Variants in TMEM106B observed in about 807,000 individuals in gnomAD.
The protein encoded by TMEM106B is transmembrane protein 106B.
TMEM106B carries 15 observed loss-of-function variants against 31.1 expected under a neutral mutation model. The ratio of observed to expected loss-of-function variants is 0.48; its 90% CI spans 0.32 to 0.74. The LOEUF is 0.74. TMEM106B is among the 30% of genes least tolerant of loss of function. The pLI is 0.03. For missense variants in TMEM106B, 283 were observed against 327.3 expected, an observed-to-expected ratio of 0.86 and a Z score of 1.04; for synonymous variants, 126 against 112.5, an observed-to-expected ratio of 1.12 and a Z score of -0.76.
chr7:12,238,683 A>G lies in TMEM106B; in HGVS notation c.*6708A>G, dbSNP rs1426323366. 2 of 152,204 alleles carry G rather than the reference A, an allele frequency of 1.3e-5. No individual in the cohort carries two copies. The highest frequency in any genetic ancestry group is 3.8e-4 in the East Asian group (2 of 5,198). The allele number at this position is 152,204 out of a possible 1,614,324, so 9.4% of individuals were successfully genotyped here. On this transcript the variant is annotated 3_prime_UTR_variant, in exon 8 of 8. Transcript: ENST00000396668. ...TTGTGTTAAGAGGCATGAAAACAAC[A>G]TTAATCTATTTGTACATCATCAGAG...
chr7:12,213,669 A>G (rs1161066537), intron 1 of TMEM106B, among the ~76,000 whole-genome samples: 1 of 152,212 alleles, frequency 6.6e-6, no homozygotes, highest in South Asian at 2.1e-4. Context: ...ATCATTTCAC[A>G]TTATTTGTTT....
chr7:12,227,125 CTG>C (rs1781916881), intron 4 of TMEM106B, among the ~76,000 whole-genome samples: 1 of 151,998 alleles, frequency 6.6e-6, no homozygotes, highest in Admixed American at 6.6e-5. Context: ...GCCACTTAAA[CTG>C]AGACAGACTG....
At chr7:12,217,727 T>A (rs1419954416) in intron 2 of TMEM106B, among the ~76,000 whole-genome samples, 1 of 152,124 alleles carries the variant, frequency 6.6e-6, no homozygotes, top group East Asian at 1.9e-4. Flanking sequence ...AGAGTATAGA[T>A]GTGTCGGGGG....
chr7:12,212,254 C>G (rs1261006899), intron 1 of TMEM106B, among the ~76,000 whole-genome samples: 1 of 152,176 alleles, frequency 6.6e-6, no homozygotes, highest in Non-Finnish European at 1.5e-5. Context: ...CAGCTTACAG[C>G]CTGGCTGTGT....
In TMEM106B at chr7:12,232,012, T is replaced by C; in HGVS notation, c.*37T>C. Reference sequence around the variant, plus strand: ...GATGGATTTAAAGAAGAAATATCTATTGATATTTCCTATACTCTCAATGAA... The same window carrying C: ...GATGGATTTAAAGAAGAAATATCTACTGATATTTCCTATACTCTCAATGAA... On this transcript the variant is annotated 3_prime_UTR_variant, in exon 8 of 8. Transcript: ENST00000396668. 6.3e-7 allele frequency: 1 copy of C among 1,596,616 alleles called. No homozygotes were observed. Among genetic ancestry groups the C allele is most frequent in the Non-Finnish European group, 8.6e-7 (1 of 1,167,862 alleles).
intron 7 of TMEM106B, 139 bp from the exon 8 acceptor site, chr7:12,231,698 G>T (rs1782026452): frequency 1.5e-6 from 1 of 683,052 alleles, no homozygotes; most frequent in Non-Finnish European, 2.3e-6. Context: ...TCCTTAAGAG[G>T]ATTGTGTGCA....
At chr7:12,222,372 A>T (rs910259728) in intron 3 of TMEM106B, among the ~76,000 whole-genome samples, 1 of 152,162 alleles carries the variant, frequency 6.6e-6, no homozygotes, top group African/African-American at 2.4e-5. Flanking sequence ...ATGTTGTTTT[A>T]TTGTCCCACC....
chr7:12,216,094 T>C (rs1252020101), intron 2 of TMEM106B, among the ~76,000 whole-genome samples: 1 of 152,282 alleles, frequency 6.6e-6, no homozygotes, highest in East Asian at 1.9e-4. Flanking sequence ...TGAATTGAAG[T>C]TTACATTTGC....
intron 4 of TMEM106B, among the ~76,000 whole-genome samples, chr7:12,227,972 C>A (rs1243746227): frequency 1.3e-5 from 2 of 151,830 alleles, no homozygotes; most frequent in African/African-American, 4.8e-5. Context: ...TTTGCATATA[C>A]AAAGACTTCC....
chr7:12,243,072 AG>A lies in TMEM106B; in HGVS notation c.*11098del, dbSNP rs1408204725. 3 of 152,066 alleles carry A rather than the reference AG, an allele frequency of 2.0e-5. No homozygotes were observed. The highest frequency in any genetic ancestry group is 4.4e-5 in the Non-Finnish European group (3 of 67,962). The allele number at this position is 152,066 out of a possible 1,614,324, so 9.4% of individuals were successfully genotyped here. ...TAGATTTTTACAGAATCTTTAAAAA[AG>A]CTTTAATATTTTCAAGGTTTTTTAT... On this transcript the variant is annotated 3_prime_UTR_variant, in exon 8 of 8. Transcript: ENST00000396668.
intron 4 of TMEM106B, among the ~76,000 whole-genome samples, chr7:12,226,798 A>G (rs1000068433): frequency 7.9e-5 from 12 of 152,170 alleles, no homozygotes; most frequent in African/African-American, 1.4e-4. Flanking sequence ...AAATATACGT[A>G]TATGTGAATA....
rs1044470648 is a variant in TMEM106B, at chr7:12,232,971, T to A, written c.*996T>A. 6.6e-6 allele frequency: 1 copy of A among 151,772 alleles called. No individual in the cohort carries two copies. The highest frequency in any genetic ancestry group is 1.5e-5 in the Non-Finnish European group (1 of 67,748). 9.4% of individuals were successfully genotyped at this position (151,772 alleles called of 1,614,324 possible). The stretch of plus-strand genomic sequence containing the variant: ...TTTGCAACTGTTAGGTACCCAGTTA[T>A]CAATTTTATCAATGTTTTAGAGGAG... On this transcript the variant is annotated 3_prime_UTR_variant, in exon 8 of 8. Coordinates refer to ENST00000396668, the MANE Select transcript of TMEM106B (RefSeq NM_001134232.2).
chr7:12,227,452 CAT>C (rs1271440213), intron 4 of TMEM106B, among the ~76,000 whole-genome samples: 4 of 152,014 alleles, frequency 2.6e-5, no homozygotes, highest in Non-Finnish European at 4.4e-5. Context: ...TAATCATTCT[CAT>C]GTGTAAAGGA....
chr7:12,219,359 A>G (rs1266762219), intron 3 of TMEM106B, among the ~76,000 whole-genome samples: 1 of 152,176 alleles, frequency 6.6e-6, no homozygotes, highest in African/African-American at 2.4e-5. Context: ...CAGTGAAGCT[A>G]GCAAAGCAAC....
Position 12,238,927 on chromosome 7 carries a change from A to G in TMEM106B, c.*6952A>G, listed in dbSNP as rs1241163142. On this transcript the variant is annotated 3_prime_UTR_variant, in exon 8 of 8. Coordinates refer to ENST00000396668, the MANE Select transcript of TMEM106B (RefSeq NM_001134232.2). ...GGATGGCAAATGAGCATTGGCTTCA[A>G]CTTAAAGTCACCAGCTACATTCACC... 1 of 152,150 alleles carries G rather than the reference A, an allele frequency of 6.6e-6. No individual in the cohort carries two copies. The highest frequency in any genetic ancestry group is 1.5e-5 in the Non-Finnish European group (1 of 68,020). The allele number at this position is 152,150 out of a possible 1,614,324, so 9.4% of individuals were successfully genotyped here.
chr7:12,230,435 T>C lies in TMEM106B; in HGVS notation c.629T>C (p.Met210Thr). The C allele has an allele frequency of 6.3e-7, 1 of 1,579,996 alleles. No individual in the cohort carries two copies. The highest frequency in any genetic ancestry group is 1.1e-5 in the South Asian group (1 of 88,352). The change falls in exon 6 of 8, where the codon ATG becomes ACG. Residue 210 changes from methionine (M) to threonine (T), a missense_variant. This residue lies in a region of TMEM106B where 201 missense variants were observed against 211.5 expected (regional missense o/e 0.95). Coordinates refer to ENST00000396668, the MANE Select transcript of TMEM106B (RefSeq NM_001134232.2). ...GTTATAGCAGAGGAAATGAGTTATA[T>C]GTAGTAAGTTCTGATTTATAATAAC... ...PTVIAEEMSY[M>T]YDFCTLISIK...
At chr7:12,222,975 AT>A (rs1778844686) in intron 3 of TMEM106B, among the ~76,000 whole-genome samples, 1 of 152,130 alleles carries the variant, frequency 6.6e-6, no homozygotes, top group Admixed American at 6.6e-5. Flanking sequence ...AAAATGGAAA[AT>A]TTTTGTATAA....
intron 4 of TMEM106B, among the ~76,000 whole-genome samples, chr7:12,229,185 G>C (rs5011439): frequency 0.5 from 76,396 of 151,592 alleles, 20,336 homozygotes; most frequent in African/African-American, 0.66. Context: ...TTGTAAATTA[G>C]AAATGTAGAA....
Position 12,231,888 on chromosome 7 carries a change from G to A in TMEM106B, c.738G>A (p.Glu246=), listed in dbSNP as rs539608221. The part of the protein sequence containing the change: ...YFGHSEQISQ[E]RYQYVDCGRN... ...GCCACTCTGAACAGATATCCCAGGA[G>A]AGGTATCAGTATGTCGACTGTGGAA... The change falls in exon 8 of 8, where the codon GAG becomes GAA. Residue 246 remains glutamate (E), a synonymous_variant. Transcript: ENST00000396668. 1 of 1,612,178 alleles carries A rather than the reference G, an allele frequency of 6.2e-7. No individual in the cohort carries two copies. The highest frequency in any genetic ancestry group is 8.5e-7 in the Non-Finnish European group (1 of 1,178,670).
Sources: gnomAD v4.1 joint callset for allele counts (sites outside exome capture counted in the v4.1 genomes callset) on GRCh38, gnomAD v4.1.1 for gene constraint, gnomAD v4.1.1 regional missense constraint, MANE v1.5 for transcripts, NCBI Gene and HGNC (gene_info 2026-07-23, HGNC 2026-07-21) for gene names.